Variants in ANKRD55 observed in about 807,000 individuals in gnomAD.
The protein encoded by ANKRD55 is ankyrin repeat domain 55.
A neutral mutation model predicts 60.6 loss-of-function variants in ANKRD55; 41 were observed. The observed-to-expected ratio is 0.68, with a 90% CI of 0.53 to 0.88. ANKRD55 has a LOEUF of 0.88. ANKRD55 is among the 40% of genes least tolerant of loss of function. ANKRD55 has a pLI of 0.00. For synonymous variants in ANKRD55, 264 were observed against 290.3 expected (o/e 0.91, Z 0.92); for missense variants, 732 against 767.6 (o/e 0.95, Z 0.55).
intron 7 of ANKRD55, among the ~76,000 whole-genome samples, chr5:56,140,207 C>G (rs143705022): frequency 1.4e-4 from 22 of 152,280 alleles, no homozygotes; most frequent in African/African-American, 4.1e-4. Flanking sequence ...AAAATGAGCA[C>G]AATGCTAGCC....
rs369634585 is a variant in ANKRD55 at position 56,159,869 on chromosome 5, C to A, written c.447G>T (p.Gln149His). 1.9e-6 allele frequency: 3 copies of A among 1,613,898 alleles called. No homozygotes were observed. The highest frequency in any genetic ancestry group is 2.5e-6 in the Non-Finnish European group (3 of 1,179,860). The change falls in exon 6 of 12, where the codon CAG becomes CAT. Residue 149 changes from glutamine (Q) to histidine (H), a missense_variant. Transcript: ENST00000341048. ...GGTGATTAATCTCGCTGATGTTCGACTGTTGCAACAGGACCGTGAGGAGCC... is the reference window on the plus strand; with the variant it reads ...GGTGATTAATCTCGCTGATGTTCGAATGTTGCAACAGGACCGTGAGGAGCC... ...DMRLLTVLLQ[Q>H]SNISEINHQD...
At chr5:56,146,306 A>G (rs1336433809) in intron 6 of ANKRD55, among the ~76,000 whole-genome samples, 3 of 147,758 alleles carry the variant, frequency 2.0e-5, no homozygotes, top group African/African-American at 7.6e-5. Context: ...TTTTTTTGAG[A>G]TGGAGTTTCG....
intron 8 of ANKRD55, among the ~76,000 whole-genome samples, chr5:56,123,821 A>G (rs994392258): frequency 6.6e-6 from 1 of 152,190 alleles, no homozygotes; most frequent in African/African-American, 2.4e-5. Flanking sequence ...CCTTGGGGCC[A>G]GTCTGTGGTA....
chr5:56,105,233 T>C (rs1167594878), intron 10 of ANKRD55, among the ~76,000 whole-genome samples: 1 of 152,028 alleles, frequency 6.6e-6, no homozygotes, highest in African/African-American at 2.4e-5. Flanking sequence ...ACTACAGGCG[T>C]GCGCCACCAC....
intron 10 of ANKRD55, among the ~76,000 whole-genome samples, chr5:56,108,029 C>G (rs1756543904): frequency 6.6e-6 from 1 of 152,006 alleles, no homozygotes; most frequent in Non-Finnish European, 1.5e-5. Flanking sequence ...ACCACTACTC[C>G]TGGCTAATTT....
chr5:56,151,825 A>ATC (rs1554039880), intron 6 of ANKRD55, among the ~76,000 whole-genome samples: 5,003 of 28,298 alleles, frequency 0.18, 110 homozygotes, highest in Non-Finnish European at 0.24. Context: ...AAAAAAAAAA[A>ATC]TCTATATATA....
intron 2 of ANKRD55, among the ~76,000 whole-genome samples, chr5:56,191,908 C>A (rs1334323638): frequency 6.6e-6 from 1 of 152,144 alleles, no homozygotes; most frequent in Non-Finnish European, 1.5e-5. Flanking sequence ...AACTTAGAAA[C>A]TGTACAGAGA....
rs1045473733 is a variant in ANKRD55, at chr5:56,120,869, T to C, written c.798-4087A>G. 6.6e-5 allele frequency among the ~76,000 whole-genome samples: 9 copies of C among 136,562 alleles called. 1 individual carries two copies. In the South Asian group the frequency reaches 1.4e-3, roughly 21 times the overall value. 89.6% of individuals were successfully genotyped at this position (136,562 alleles called of 152,430 possible). A position where few individuals can be genotyped will look rare whatever the true frequency, so the allele number is the denominator to read the frequency against. On this transcript the variant is annotated intron_variant, in intron 8 of 11. Transcript: ENST00000341048. The stretch of plus-strand genomic sequence containing the variant: ...AGCCAAGATCGCGCCACTGCTACTC[T>C]AGCCTGGGCGACAGAGGGAGACTCC...
At chr5:56,135,473 G>C (rs987109736) in intron 7 of ANKRD55, among the ~76,000 whole-genome samples, 6 of 151,632 alleles carry the variant, frequency 4.0e-5, no homozygotes, top group African/African-American at 1.5e-4. Context: ...AGGTTCAAGC[G>C]ATTCTCCTGC....
intron 10 of ANKRD55, among the ~76,000 whole-genome samples, chr5:56,109,804 G>A (rs1319757252): frequency 6.6e-6 from 1 of 152,148 alleles, no homozygotes; most frequent in Non-Finnish European, 1.5e-5. Flanking sequence ...GGTGGATCAC[G>A]AGGTCAGATC....
chr5:56,127,160 G>A (rs1757288018), intron 7 of ANKRD55, 54 bp from the exon 8 acceptor site: 2 of 1,364,668 alleles, frequency 1.5e-6, no homozygotes, highest in Non-Finnish European at 1.9e-6. Context: ...GTTCTTCTCT[G>A]TCTAGGCATG....
chr5:56,187,254 G>C (rs904198433), intron 2 of ANKRD55, among the ~76,000 whole-genome samples: 1 of 152,134 alleles, frequency 6.6e-6, no homozygotes. Flanking sequence ...TTAAACACAG[G>C]GCTTGCAACT....
At chr5:56,112,834 T>A (rs1249915758) in intron 9 of ANKRD55, among the ~76,000 whole-genome samples, 1 of 152,204 alleles carries the variant, frequency 6.6e-6, no homozygotes, top group Non-Finnish European at 1.5e-5. Context: ...GAGTGAGATA[T>A]CGCAATCTGC....
intron 5 of ANKRD55, among the ~76,000 whole-genome samples, chr5:56,163,452 C>T (rs924983194): frequency 2.0e-5 from 3 of 152,178 alleles, no homozygotes; most frequent in African/African-American, 7.2e-5. Context: ...AGTCATTCTA[C>T]ACCCCCATCA....
chr5:56,228,379 C>A (rs937177440), intron 2 of ANKRD55, among the ~76,000 whole-genome samples: 1 of 151,348 alleles, frequency 6.6e-6, no homozygotes, highest in Admixed American at 6.6e-5. Context: ...GCTGGAAGGA[C>A]CAGGGAAGAT....
intron 6 of ANKRD55, among the ~76,000 whole-genome samples, chr5:56,157,509 C>T (rs1420025890): frequency 6.6e-6 from 1 of 152,182 alleles, no homozygotes; most frequent in Non-Finnish European, 1.5e-5. Context: ...CCTCCCTGGG[C>T]AATGGAATGT....
At chr5:56,218,567 C>G (rs1333955612) in intron 2 of ANKRD55, among the ~76,000 whole-genome samples, 1 of 152,172 alleles carries the variant, frequency 6.6e-6, no homozygotes, top group African/African-American at 2.4e-5. Context: ...CATTTTTAGA[C>G]AAAATGCTGT....
chr5:56,164,377 T>G (rs569387917), intron 5 of ANKRD55, among the ~76,000 whole-genome samples: 2 of 152,206 alleles, frequency 1.3e-5, no homozygotes, highest in South Asian at 4.1e-4. Context: ...GCTGCCTGTA[T>G]TAGAGTGTGC....
At position 56,116,735 on chromosome 5, in the gene ANKRD55, T is replaced by C. The variant is rs750799122; in HGVS notation, c.845A>G (p.Gln282Arg). 2 of 1,613,868 alleles carry C rather than the reference T, an allele frequency of 1.2e-6. No homozygotes were observed. Among genetic ancestry groups the C allele is most frequent in the South Asian group, 2.2e-5 (2 of 91,052 alleles). The change falls in exon 9 of 12, where the codon CAG becomes CGG. Residue 282 changes from glutamine to arginine, a missense_variant. By Grantham distance (43) the Gln-to-Arg change is conservative (BLOSUM62 1). Transcript: ENST00000341048. ...AAAAGKAECV[Q>R]SLLELGMDSN... The stretch of plus-strand genomic sequence containing the variant: ...GTCCATTCCCAACTCCAGCAGTGAC[T>C]GGACACATTCGGCCTTCCCTGCAGC...
Sources: gnomAD v4.1 joint callset for allele counts (sites outside exome capture counted in the v4.1 genomes callset) on GRCh38, gnomAD v4.1.1 for gene constraint, MANE v1.5 for transcripts, NCBI Gene and HGNC (gene_info 2026-07-23, HGNC 2026-07-21) for gene names.